The following SKAP2 variants were observed in gnomAD, a reference collection of about 807,000 sequenced individuals.
SKAP2 encodes the protein src kinase associated phosphoprotein 2.
SKAP2 carries 28 observed loss-of-function variants against 54.9 expected under a neutral mutation model. The observed-to-expected ratio is 0.51, with a 90% confidence interval of 0.38 to 0.70. The LOEUF (loss-of-function observed/expected upper bound fraction) is 0.70, where lower values mean the gene tolerates loss of function less well. SKAP2 is among the 30% of genes least tolerant of loss of function. SKAP2 has a pLI of 0.00. For missense variants in SKAP2, 356 were observed against 424.1 expected (o/e 0.84, Z 1.41); for synonymous variants, 137 against 134.3 (o/e 1.02, Z -0.14).
chr7:26,844,063 G>C lies in SKAP2; in HGVS notation c.274C>G (p.Arg92Gly). Residue 92 changes from arginine to glycine, a missense_variant, in exon 4 of 13, where the codon CGA (arginine) becomes GGA (glycine). Arg to Gly is a moderately radical substitution (Grantham distance 125). Coordinates refer to ENST00000345317, the MANE Select transcript of SKAP2 (RefSeq NM_003930.5). ...PPDTISLASERYDKDDEAPSD... is the reference protein window; with the variant it reads ...PPDTISLASEGYDKDDEAPSD... ...GGGGCTTCATCGTCTTTATCATATC[G>C]TTCTGAGGCTAATGAAATAGTGTCT... The C allele has an allele frequency of 6.2e-7, 1 of 1,611,270 alleles. No homozygotes were observed. The highest frequency in any genetic ancestry group is 8.5e-7 in the Non-Finnish European group (1 of 1,178,240).
chr7:26,675,766 C>G (rs940984530), intron 11 of SKAP2, among the ~76,000 whole-genome samples: 1 of 152,202 alleles, frequency 6.6e-6, no homozygotes, highest in Non-Finnish European at 1.5e-5. Flanking sequence ...TCACATGTAG[C>G]TGAGTGGGCG....
intron 9 of SKAP2, among the ~76,000 whole-genome samples, chr7:26,721,406 A>T (rs1787574508): frequency 6.6e-6 from 1 of 152,186 alleles, no homozygotes. Flanking sequence ...GAAAAAAATT[A>T]TAGCTGCATT....
intron 9 of SKAP2, among the ~76,000 whole-genome samples, chr7:26,696,285 T>G (rs1786893273): frequency 6.6e-6 from 1 of 152,178 alleles, no homozygotes; most frequent in Non-Finnish European, 1.5e-5. Flanking sequence ...AACTTCAGAA[T>G]GAATGGAAGG....
At chr7:26,853,951 T>G (rs1369219397) in intron 3 of SKAP2, among the ~76,000 whole-genome samples, 186 bp downstream of exon 3, 1 of 152,166 alleles carries the variant, frequency 6.6e-6, no homozygotes, top group African/African-American at 2.4e-5. Context: ...GAGTAAATTC[T>G]GGATATACTT....
At chr7:26,803,866 C>T (rs1194795551) in intron 4 of SKAP2, among the ~76,000 whole-genome samples, 2 of 152,096 alleles carry the variant, frequency 1.3e-5, no homozygotes, top group East Asian at 1.9e-4. Context: ...ATAAGCCAGG[C>T]ACTGAAAGAC....
chr7:26,804,565 G>A (rs921185416), intron 4 of SKAP2, among the ~76,000 whole-genome samples: 7 of 151,812 alleles, frequency 4.6e-5, no homozygotes, highest in African/African-American at 1.5e-4. Flanking sequence ...GTGGTGAAAC[G>A]CTGTCTCTAT....
At chr7:26,821,675 T>C (rs1784386413) in intron 4 of SKAP2, among the ~76,000 whole-genome samples, 1 of 152,192 alleles carries the variant, frequency 6.6e-6, no homozygotes, top group Non-Finnish European at 1.5e-5. Context: ...TGATCTTTCT[T>C]ATCTGCCTTT....
At chr7:26,844,199 T>C in intron 3 of SKAP2, 62 bp from the exon 4 acceptor site, 1 of 953,280 alleles carries the variant, frequency 1.0e-6, no homozygotes, top group Non-Finnish European at 1.7e-6. Context: ...AAAGTAATGT[T>C]ACTTAATGTT....
Position 26,793,584 on chromosome 7 carries a change from A to G in SKAP2, c.307+50446T>C, listed in dbSNP as rs188357994. ...TGTGACCTGGCAAGGAAGTTAGACC[A>G]GTAAGGGCAAGACATGGAAAGTCTT... On this transcript the variant is annotated intron_variant, in intron 4 of 12. Coordinates refer to ENST00000345317, the MANE Select transcript of SKAP2 (RefSeq NM_003930.5). 3.0e-4 allele frequency among the ~76,000 whole-genome samples: 46 copies of G among 152,342 alleles called. No homozygotes were observed. The East Asian group carries it at 5.0e-3, about 17-fold the overall frequency.
chr7:26,747,640 A>T (rs1213720343), intron 4 of SKAP2, among the ~76,000 whole-genome samples: 1 of 152,202 alleles, frequency 6.6e-6, no homozygotes, highest in South Asian at 2.1e-4. Flanking sequence ...AGCTACATGC[A>T]TGTAAGATAT....
chr7:26,755,625 C>T (rs6970591), intron 4 of SKAP2, among the ~76,000 whole-genome samples: 81,214 of 151,964 alleles, frequency 0.53, 22,635 homozygotes, highest in East Asian at 0.88. Context: ...TAAGTTCCAA[C>T]AGCCCAGAGA....
At chr7:26,720,579 A>G (rs1439184951) in intron 9 of SKAP2, among the ~76,000 whole-genome samples, 1 of 152,172 alleles carries the variant, frequency 6.6e-6, no homozygotes, top group African/African-American at 2.4e-5. Context: ...CTGCTAATAA[A>G]GACATACCCA....
chr7:26,814,670 C>G (rs1333595431), intron 4 of SKAP2, among the ~76,000 whole-genome samples: 1 of 149,964 alleles, frequency 6.7e-6, no homozygotes, highest in Admixed American at 6.6e-5. Flanking sequence ...AATATTTAAA[C>G]TCAAGAGAAA....
At chr7:26,772,335 T>G (rs987291097) in intron 4 of SKAP2, among the ~76,000 whole-genome samples, 2 of 152,166 alleles carry the variant, frequency 1.3e-5, no homozygotes, top group Non-Finnish European at 2.9e-5. Context: ...ACCCACGTAG[T>G]GAGCATAGTA....
chr7:26,740,712 G>A (rs2015649), intron 4 of SKAP2, among the ~76,000 whole-genome samples: 90,338 of 152,046 alleles, frequency 0.59, 28,700 homozygotes, highest in East Asian at 0.9. Flanking sequence ...TCTGCCGGGC[G>A]CAGTGGCTCA....
chr7:26,806,650 T>C (rs1240797010), intron 4 of SKAP2, among the ~76,000 whole-genome samples: 1 of 152,156 alleles, frequency 6.6e-6, no homozygotes, highest in Non-Finnish European at 1.5e-5. Flanking sequence ...TGAAGGTAAA[T>C]ACAAGTGCTG....
chr7:26,671,125 T>C (rs1786227568), intron 11 of SKAP2, among the ~76,000 whole-genome samples: 1 of 152,128 alleles, frequency 6.6e-6, no homozygotes, highest in African/African-American at 2.4e-5. Context: ...GTCTGCCAGA[T>C]TGACTAATGT....
At chr7:26,811,010 T>C (rs1382022962) in intron 4 of SKAP2, among the ~76,000 whole-genome samples, 1 of 152,106 alleles carries the variant, frequency 6.6e-6, no homozygotes, top group Non-Finnish European at 1.5e-5. Context: ...CAATTTAAAG[T>C]TTTTTAAATT....
intron 4 of SKAP2, chr7:26,742,382 A>C (rs528043728): frequency 2.4e-4 from 36 of 152,302 alleles, no homozygotes; most frequent in Admixed American, 7.2e-4. Flanking sequence ...ACTGGTCAAA[A>C]AGGAGACAGA....
Sources: allele counts gnomAD v4.1 joint callset (sites outside exome capture counted in the v4.1 genomes callset), GRCh38; gene constraint gnomAD v4.1.1; transcripts MANE v1.5; gene names NCBI Gene and HGNC (gene_info 2026-07-23, HGNC 2026-07-21).